Variants in MAP4K5 observed in about 807,000 individuals in gnomAD.
MAP4K5 encodes mitogen-activated protein kinase kinase kinase kinase 5.
In MAP4K5, 82 loss-of-function variants were observed where a neutral mutation model predicts 135.6. That is an observed-to-expected ratio of 0.60 (90% CI 0.51 to 0.73). The LOEUF (loss-of-function observed/expected upper bound fraction) is 0.73, where lower values mean the gene tolerates loss of function less well. Among genes scored for constraint, MAP4K5 ranks in the 30% least tolerant of loss-of-function variants. The probability of loss-of-function intolerance (pLI) is 0.00; values close to 1 mark genes in which losing one functional copy is unlikely to be tolerated. For missense variants in MAP4K5, 907 were observed against 1,010.9 expected (o/e 0.90, Z 1.39); for synonymous variants, 347 against 335.0 (o/e 1.04, Z -0.39).
At chr14:50,442,063 G>A (rs2036241627) in intron 21 of MAP4K5, among the ~76,000 whole-genome samples, 1 of 152,074 alleles carries the variant, frequency 6.6e-6, no homozygotes, top group African/African-American at 2.4e-5. Context: ...ATGACAGAGT[G>A]GGAATCCAAA....
chr14:50,524,907 G>A (rs758179383), intron 2 of MAP4K5, among the ~76,000 whole-genome samples: 5 of 152,154 alleles, frequency 3.3e-5, no homozygotes, highest in Non-Finnish European at 7.4e-5. Context: ...AGAGCAAACA[G>A]GAACAAGAAT....
chr14:50,474,869 T>A (rs549308048), intron 9 of MAP4K5, among the ~76,000 whole-genome samples: 1 of 152,192 alleles, frequency 6.6e-6, no homozygotes, highest in Non-Finnish European at 1.5e-5. Flanking sequence ...ACAGGGATAG[T>A]AAAAATTATT....
Position 50,490,159 on chromosome 14 carries a change from G to GTGTGTGTGTGTGTGTGTGTGTA in MAP4K5, c.167-3966_167-3965insTACACACACACACACACACACA, listed in dbSNP as rs71441284. On this transcript the variant is annotated intron_variant, in intron 3 of 32. Transcript: ENST00000682126. ...TGTGTGTGTGTGTGTGTGTGTGTGTGTAAGGGAACTCAGCCTGATACTCTT... is the reference window on the plus strand; with the variant it reads ...TGTGTGTGTGTGTGTGTGTGTGTGTGTGTGTGTGTGTGTGTGTGTGTATAAGGGAACTCAGCCTGATACTCTT... 3.6e-3 allele frequency among the ~76,000 whole-genome samples: 503 copies of GTGTGTGTGTGTGTGTGTGTGTA among 137,988 alleles called. 5 individuals carry two copies. The highest frequency in any genetic ancestry group is 0.014 in the East Asian group (65 of 4,536). The allele number at this position is 137,988 out of a possible 152,430, so 90.5% of individuals were successfully genotyped here. A position where few individuals can be genotyped will look rare whatever the true frequency, so the allele number is the denominator to read the frequency against.
intron 12 of MAP4K5, among the ~76,000 whole-genome samples, 161 bp downstream of exon 12, chr14:50,463,891 C>CAAAAAAAAAA (rs56877870): frequency 7.1e-5 from 5 of 70,396 alleles, no homozygotes; most frequent in Admixed American, 3.6e-4. Flanking sequence ...ACCCTGTTTC[C>CAAAAAAAAAA]AAAAAAAAAA....
At chr14:50,559,943 GTTTA>G (rs1217304778) in intron 1 of MAP4K5, 5 of 439,468 alleles carry the variant, frequency 1.1e-5, no homozygotes, top group African/African-American at 6.0e-5. Flanking sequence ...GGGGGGTGCT[GTTTA>G]TTTGTTTGTG....
rs1452684032 is a variant in MAP4K5, at chr14:50,443,965, G to A, written c.1411C>T (p.Arg471Ter). 12 of 1,608,356 alleles carry A rather than the reference G, an allele frequency of 7.5e-6. No homozygotes were observed. The highest frequency in any genetic ancestry group is 1.1e-5 in the South Asian group (1 of 89,954). The change falls in exon 19 of 33, where the codon CGA becomes TGA. Residue 471 changes from arginine to a stop codon, truncating the protein, a stop_gained. Coordinates refer to ENST00000682126, the MANE Select transcript of MAP4K5 (RefSeq NM_006575.6). LOFTEE classifies it high-confidence loss of function. ...EGSAQAPQLPRKKDKRDFPKP... is the reference protein window; with the variant it reads ...EGSAQAPQLP ...GGGAAGTCTCGTTTGTCCTTTTTTCGTGGTAACTGTGGTGCTTGTGCTGAT... is the reference window on the plus strand; with the variant it reads ...GGGAAGTCTCGTTTGTCCTTTTTTCATGGTAACTGTGGTGCTTGTGCTGAT...
chr14:50,501,958 A>AT (rs1178206482), intron 3 of MAP4K5, among the ~76,000 whole-genome samples: 5 of 152,340 alleles, frequency 3.3e-5, no homozygotes, highest in Non-Finnish European at 5.9e-5. Flanking sequence ...GGTATTCAAT[A>AT]AATATTTATT....
At chr14:50,540,781 T>C (rs976583000) in intron 2 of MAP4K5, among the ~76,000 whole-genome samples, 3 of 152,216 alleles carry the variant, frequency 2.0e-5, no homozygotes, top group African/African-American at 7.2e-5. Context: ...GGAGCTATTA[T>C]GATAGGTAGG....
intron 23 of MAP4K5, among the ~76,000 whole-genome samples, chr14:50,439,266 T>C (rs1307418073): frequency 6.8e-6 from 1 of 146,182 alleles, no homozygotes; most frequent in Non-Finnish European, 1.5e-5. Context: ...ATGAAAGCAA[T>C]CAGCAAACTT....
intron 3 of MAP4K5, among the ~76,000 whole-genome samples, chr14:50,488,775 G>A (rs957324176): frequency 2.6e-5 from 4 of 152,124 alleles, no homozygotes; most frequent in African/African-American, 7.2e-5. Flanking sequence ...CCAAGCACAG[G>A]TTATTAATAA....
chr14:50,468,469 T>G, intron 10 of MAP4K5, 182 bp downstream of exon 10: 1 of 567,876 alleles, frequency 1.8e-6, no homozygotes, highest in Non-Finnish European at 3.1e-6. Context: ...TTGTGAAAAA[T>G]GAATTGAGGT....
chr14:50,511,970 A>G (rs934555579), intron 2 of MAP4K5, among the ~76,000 whole-genome samples: 2 of 152,082 alleles, frequency 1.3e-5, no homozygotes, highest in Non-Finnish European at 2.9e-5. Context: ...GTAATGATAG[A>G]CACATCTCAT....
At chr14:50,476,811 A>C (rs1301195943) in intron 6 of MAP4K5, among the ~76,000 whole-genome samples, 3 of 152,288 alleles carry the variant, frequency 2.0e-5, no homozygotes, top group African/African-American at 7.2e-5. Flanking sequence ...ATTTCACTAA[A>C]CACAATCAAG....
chr14:50,450,158 T>C (rs1204430922), intron 14 of MAP4K5: 2 of 152,156 alleles, frequency 1.3e-5, no homozygotes, highest in Admixed American at 1.3e-4. Flanking sequence ...TGAGGTTTCC[T>C]GACATCAGGA....
At chr14:50,545,156 T>C (rs1014661890) in intron 1 of MAP4K5, among the ~76,000 whole-genome samples, 3 of 152,030 alleles carry the variant, frequency 2.0e-5, no homozygotes, top group Non-Finnish European at 2.9e-5. Context: ...TCAAACACAG[T>C]AGGCAAAGAG....
chr14:50,452,320 G>C (rs2036508289), intron 14 of MAP4K5, among the ~76,000 whole-genome samples: 1 of 152,138 alleles, frequency 6.6e-6, no homozygotes, highest in South Asian at 2.1e-4. Flanking sequence ...ATCTCAAACT[G>C]AAGTTGGTTA....
chr14:50,427,693 G>T (rs1022740267), intron 30 of MAP4K5, among the ~76,000 whole-genome samples: 9 of 152,060 alleles, frequency 5.9e-5, no homozygotes, highest in African/African-American at 2.2e-4. Flanking sequence ...CACAAGTTCT[G>T]TCACTCCTGG....
chr14:50,495,943 G>T (rs1289530478), intron 3 of MAP4K5, among the ~76,000 whole-genome samples: 1 of 152,162 alleles, frequency 6.6e-6, no homozygotes, highest in Admixed American at 6.5e-5. Flanking sequence ...AATGAATATA[G>T]AGTTTTAGTT....
chr14:50,545,454 C>T (rs1425852705), intron 1 of MAP4K5, among the ~76,000 whole-genome samples: 3 of 152,166 alleles, frequency 2.0e-5, no homozygotes. Context: ...TGGTCGACGG[C>T]ATCCATGTGG....
Sources: gnomAD v4.1 joint callset for allele counts (sites outside exome capture counted in the v4.1 genomes callset) on GRCh38, gnomAD v4.1.1 for gene constraint, MANE v1.5 for transcripts, NCBI Gene and HGNC (gene_info 2026-07-23, HGNC 2026-07-21) for gene names.